CARHSP1: variants seen among roughly 807,000 people sequenced by gnomAD.
The protein encoded by CARHSP1 is calcium regulated heat stable protein 1, also known as calcium-regulated heat-stable protein 1.
Under a neutral mutation model 12.5 loss-of-function variants are expected in CARHSP1, and 14 were observed. The ratio of observed to expected loss-of-function variants is 1.12; its 90% CI spans 0.74 to 1.75. The LOEUF is 1.75. Among genes scored for constraint, CARHSP1 ranks in the 40% most tolerant of loss-of-function variants. The pLI, the probability that CARHSP1 is intolerant of heterozygous loss-of-function variation, is 0.00. For missense variants in CARHSP1, 343 were observed against 201.6 expected (o/e 1.70, Z -4.25); for synonymous variants, 161 against 82.0 (o/e 1.96, Z -5.20).
At chr16:8,856,184 CCAGGAAGGTTCCCTTA>C (rs770832666) in intron 3 of CARHSP1, among the ~76,000 whole-genome samples, 7 of 152,180 alleles carry the variant, frequency 4.6e-5, no homozygotes, top group Non-Finnish European at 1.0e-4. Flanking sequence ...GTGACCACCC[CCAGGAAGGTTCCCTTA>C]CTTTCTAGGG....
chr16:8,859,281 A>G lies in CARHSP1; in HGVS notation c.48T>C (p.Ala16=). The G allele has an allele frequency of 6.3e-7, 1 of 1,598,630 alleles. No homozygotes were observed. The highest frequency in any genetic ancestry group is 8.5e-7 in the Non-Finnish European group (1 of 1,174,510). ...PPPPQPPTHQ[A]SVGLLDTPRS... ...GAGGGGTGTCCAGCAGCCCGACTGA[A>G]GCTTGATGGGTGGGGGGCTGTGGTG... Residue 16 remains alanine, a synonymous_variant, in exon 2 of 4, where the codon GCT becomes GCC. Transcript: ENST00000311052.
chr16:8,860,695 G>A (rs573262074), intron 1 of CARHSP1, among the ~76,000 whole-genome samples: 3 of 152,054 alleles, frequency 2.0e-5, no homozygotes, highest in South Asian at 2.1e-4. Context: ...CCACACAGCC[G>A]GGAGGGACAG....
At position 8,861,614 on chromosome 16, in the gene CARHSP1, C is replaced by G. The variant is rs758853608; in HGVS notation, c.-7-2279G>C. 3.0e-5 allele frequency: 39 copies of G among 1,289,010 alleles called. 1 individual carries two copies. The South Asian group carries it at 4.2e-4, about 14-fold the overall frequency. The allele number at this position is 1,289,010 out of a possible 1,614,324, so 79.8% of individuals were successfully genotyped here. ...CTCTCCCGTTGGGCCTCAGTTCTGT[C>G]GGGCTGGGAAGCTGGTGGCTGGCTT... is the stretch of plus-strand genomic sequence containing the variant. On this transcript the variant is annotated intron_variant, in intron 1 of 3. Coordinates refer to ENST00000311052, the MANE Select transcript of CARHSP1 (RefSeq NM_014316.4).
intron 1 of CARHSP1, among the ~76,000 whole-genome samples, chr16:8,864,874 G>T (rs889265787): frequency 1.3e-5 from 2 of 152,172 alleles, no homozygotes; most frequent in African/African-American, 4.8e-5. Flanking sequence ...GTTCAGCTGG[G>T]TACCAAGACT....
intron 3 of CARHSP1, among the ~76,000 whole-genome samples, chr16:8,857,279 T>TTTGTTTTTTG (rs1567181214): frequency 2.6e-4 from 31 of 119,838 alleles, no homozygotes; most frequent in Non-Finnish European, 3.7e-4. Context: ...TTTTTTTTTT[T>TTTGTTTTTTG]TTTTTTTTTT....
intron 1 of CARHSP1, among the ~76,000 whole-genome samples, chr16:8,864,349 G>C (rs2061421496): frequency 1.3e-5 from 2 of 152,190 alleles, no homozygotes; most frequent in African/African-American, 2.4e-5. Context: ...TGCCACAGGG[G>C]ACCTTGATGA....
rs538591141 is a variant in CARHSP1 at position 8,855,257 on chromosome 16, C to A, written c.351G>T (p.Lys117Asn). 1.1e-5 allele frequency: 18 copies of A among 1,613,240 alleles called. No homozygotes were observed. The highest frequency in any genetic ancestry group is 1.5e-5 in the Non-Finnish European group (18 of 1,179,538). Residue 117 changes from lysine (K) to asparagine (N), a missense_variant, in exon 4 of 4, where the codon AAG becomes AAT. Coordinates refer to ENST00000311052, the MANE Select transcript of CARHSP1 (RefSeq NM_014316.4). ...VTYKMCSIPP[K>N]NEKLQAVEVV... ...CCTCCACGGCCTGCAGCTTCTCATT[C>A]TTGGGTGGGATGGAGCACATTTTAT...
At chr16:8,857,699 C>T (rs2061186784) in intron 3 of CARHSP1, 1 of 151,256 alleles carries the variant, frequency 6.6e-6, no homozygotes, top group Non-Finnish European at 1.5e-5. Context: ...AAGTGATTCT[C>T]CTGCCTCAGC....
chr16:8,858,119 C>T (rs2061208035), intron 3 of CARHSP1: 2 of 564,736 alleles, frequency 3.5e-6, no homozygotes, highest in Non-Finnish European at 6.3e-6. Context: ...ATCACAAGTA[C>T]CGTGTCGCCC....
chr16:8,863,934 G>T (rs1244412792), intron 1 of CARHSP1, among the ~76,000 whole-genome samples: 7 of 152,146 alleles, frequency 4.6e-5, no homozygotes, highest in Non-Finnish European at 8.8e-5. Flanking sequence ...GCAATACCAG[G>T]CATGGCCTTG....
At chr16:8,862,809 C>T (rs1175899180) in intron 1 of CARHSP1, among the ~76,000 whole-genome samples, 4 of 152,240 alleles carry the variant, frequency 2.6e-5, no homozygotes, top group South Asian at 2.1e-4. Flanking sequence ...AATCATGCCG[C>T]GTCATCATCA....
chr16:8,866,490 C>G, intron 1 of CARHSP1: 3 of 985,218 alleles, frequency 3.0e-6, no homozygotes, highest in Non-Finnish European at 3.6e-6. Context: ...CAGTCTCCAG[C>G]GCAGCTGAGC....
chr16:8,866,554 G>C, intron 1 of CARHSP1: 3 of 715,408 alleles, frequency 4.2e-6, no homozygotes, highest in Non-Finnish European at 3.4e-6. Context: ...CGGGTCAGCT[G>C]AGCCCAGATA....
chr16:8,862,384 G>A (rs867933144), intron 1 of CARHSP1, among the ~76,000 whole-genome samples: 1 of 152,094 alleles, frequency 6.6e-6, no homozygotes, highest in African/African-American at 2.4e-5. Flanking sequence ...TGTCAGCTAC[G>A]ACTGTTGTTA....
At chr16:8,860,110 C>G (rs767467517) in intron 1 of CARHSP1, 4 of 984,522 alleles carry the variant, frequency 4.1e-6, no homozygotes, top group Admixed American at 6.1e-5. Context: ...CTGACCCTCA[C>G]GCAGTGTCCG....
At position 8,862,756 on chromosome 16, in the gene CARHSP1, T is replaced by C. The variant is rs1596543157; in HGVS notation, c.-7-3421A>G. 1.3e-5 allele frequency among the ~76,000 whole-genome samples: 2 copies of C among 152,120 alleles called. 1 individual carries two copies. Among genetic ancestry groups the C allele is most frequent in the East Asian group, 3.9e-4 (2 of 5,168 alleles). ...CATGTGATGGGTGGGGGACTAGGAA[T>C]GGGAGGCAGGAAAGGCGGTGGAAAG... On this transcript the variant is annotated intron_variant, in intron 1 of 3. Coordinates refer to ENST00000311052, the MANE Select transcript of CARHSP1 (RefSeq NM_014316.4).
intron 1 of CARHSP1, chr16:8,861,662 C>T: frequency 7.8e-7 from 1 of 1,289,126 alleles, no homozygotes; most frequent in Non-Finnish European, 1.0e-6. Context: ...AGGTGGCATC[C>T]TACCTCCTGT....
intron 1 of CARHSP1, chr16:8,868,115 C>T (rs1433573784): frequency 6.6e-6 from 1 of 152,658 alleles, no homozygotes; most frequent in Non-Finnish European, 1.5e-5. Flanking sequence ...CAGAAGAAGT[C>T]AGAGCCCAGT....
chr16:8,857,300 G>T (rs1596526724), intron 3 of CARHSP1, among the ~76,000 whole-genome samples: 3 of 30,224 alleles, frequency 9.9e-5, no homozygotes, highest in South Asian at 1.3e-3. Flanking sequence ...TTTTTTTTTT[G>T]AGATGGAGTT....
Sources: allele counts gnomAD v4.1 joint callset (sites outside exome capture counted in the v4.1 genomes callset), GRCh38; gene constraint gnomAD v4.1.1; transcripts MANE v1.5; gene names NCBI Gene and HGNC (gene_info 2026-07-23, HGNC 2026-07-21).